The following ADGRG2 variants were observed in gnomAD, a reference collection of about 807,000 sequenced individuals.
ADGRG2 encodes the protein adhesion G protein-coupled receptor G2.
Under a neutral mutation model 74.1 loss-of-function variants are expected in ADGRG2, and 26 were observed. The ratio of observed to expected loss-of-function variants is 0.35; its 90% confidence interval spans 0.26 to 0.49. ADGRG2 has a LOEUF of 0.49. ADGRG2 is among the 20% of genes least tolerant of loss of function. The pLI is 0.99. For missense variants in ADGRG2, 619 were observed against 763.1 expected (o/e 0.81, Z 2.22); for synonymous variants, 296 against 295.2 (o/e 1.00, Z -0.03).
intron 1 of ADGRG2, among the ~76,000 whole-genome samples, chrX:19,112,494 C>T (rs928731636): frequency 2.3e-4 from 25 of 110,455 alleles, no homozygotes; most frequent in Non-Finnish European, 4.5e-4. Context: ...TCAAAATTAA[C>T]ATCACCAATG....
intron 1 of ADGRG2, among the ~76,000 whole-genome samples, chrX:19,115,226 C>T (rs953651135): frequency 9.0e-6 from 1 of 111,167 alleles, no homozygotes; most frequent in African/African-American, 3.3e-5. Context: ...ATATTCTAGG[C>T]TCATTCATTC....
chrX:19,027,287 T>A lies in ADGRG2; in HGVS notation c.415-13A>T. The A allele has an allele frequency of 9.8e-7, 1 of 1,020,967 alleles. No individual in the cohort carries two copies. Among genetic ancestry groups the A allele is most frequent in the Non-Finnish European group, 1.4e-6 (1 of 721,744 alleles). 84.1% of individuals were successfully genotyped at this position (1,020,967 alleles called of 1,213,427 possible). A position where few individuals can be genotyped will look rare whatever the true frequency, so the allele number is the denominator to read the frequency against. On this transcript the variant is annotated splice_polypyrimidine_tract_variant and intron_variant, in intron 10 of 28. Coordinates refer to ENST00000379869, the MANE Select transcript of ADGRG2 (RefSeq NM_001079858.3). ...TTATATGTTGATTCTGTTAGAAGCA[T>A]AAAATCATTAAGAATATAACAAACA...
intron 23 of ADGRG2, among the ~76,000 whole-genome samples, chrX:19,003,747 C>T (rs2060177380): frequency 8.9e-6 from 1 of 111,933 alleles, no homozygotes; most frequent in Non-Finnish European, 1.9e-5. Flanking sequence ...CCCTATTTCT[C>T]CCAGACTACT....
chrX:19,114,472 AGT>A (rs1287837363), intron 1 of ADGRG2, among the ~76,000 whole-genome samples: 1 of 111,538 alleles, frequency 9.0e-6, no homozygotes, highest in African/African-American at 3.3e-5. Flanking sequence ...AAGCTCCCCC[AGT>A]GATTCCAGTG....
chrX:19,037,732 T>A, intron 4 of ADGRG2, 96 bp from the exon 5 acceptor site: 1 of 602,078 alleles, frequency 1.7e-6, no homozygotes, highest in Non-Finnish European at 2.5e-6. Context: ...CGAAAAGAAG[T>A]AGAAAACACA....
intron 1 of ADGRG2, among the ~76,000 whole-genome samples, chrX:19,096,975 A>G (rs139988953): frequency 8.9e-6 from 1 of 112,472 alleles, no homozygotes; most frequent in Non-Finnish European, 1.9e-5. Context: ...AAATTGCTCC[A>G]CATACATCTC....
At chrX:19,101,106 T>TGC (rs1307185093) in intron 1 of ADGRG2, among the ~76,000 whole-genome samples, 34 of 78,812 alleles carry the variant, frequency 4.3e-4, no homozygotes, top group African/African-American at 2.3e-3. Context: ...TGAGATTGTG[T>TGC]GTGTGTGTGT....
rs188813552 is a variant in ADGRG2 at position 19,021,575 on chromosome X, G to A, written c.549-377C>T. Among the ~76,000 whole-genome samples the A allele has an allele frequency of 4.9e-3, 549 of 111,645 alleles. 2 individuals carry two copies. The highest frequency in any genetic ancestry group is 0.017 in the African/African-American group (512 of 30,726). Reference sequence around the variant, plus strand: ...AAAACACTAGCTGGCCACTTGCCTGGTGTCCATAAACATTTGAGTTTCCAT... The same window carrying A: ...AAAACACTAGCTGGCCACTTGCCTGATGTCCATAAACATTTGAGTTTCCAT... On this transcript the variant is annotated intron_variant, in intron 13 of 28. Coordinates refer to ENST00000379869, the MANE Select transcript of ADGRG2 (RefSeq NM_001079858.3).
intron 18 of ADGRG2, among the ~76,000 whole-genome samples, chrX:19,008,837 T>G (rs763034509): frequency 7.2e-5 from 8 of 111,450 alleles, no homozygotes; most frequent in Non-Finnish European, 1.3e-4. Flanking sequence ...CAAGTCCTCA[T>G]AGAACCATGT....
chrX:18,990,799 T>C lies in ADGRG2; in HGVS notation c.*65A>G, dbSNP rs1387073451. 10 of 798,348 alleles carry C rather than the reference T, an allele frequency of 1.3e-5. No individual in the cohort carries two copies. Among genetic ancestry groups the C allele is most frequent in the Non-Finnish European group, 1.8e-5 (10 of 559,905 alleles). The allele number at this position is 798,348 out of a possible 1,213,427, so 65.8% of individuals were successfully genotyped here. On this transcript the variant is annotated 3_prime_UTR_variant, in exon 29 of 29. Transcript: ENST00000379869. ...GTTGATTTTCATACATCTCACATTGTGTAAAAGGTAAAATTGGACATTTCA... is the reference window on the plus strand; with the variant it reads ...GTTGATTTTCATACATCTCACATTGCGTAAAAGGTAAAATTGGACATTTCA...
intron 2 of ADGRG2, among the ~76,000 whole-genome samples, chrX:19,078,339 C>T (rs2061786839): frequency 9.0e-6 from 1 of 111,437 alleles, no homozygotes; most frequent in Non-Finnish European, 1.9e-5. Context: ...TACCTGAGCC[C>T]AGGAGTTCGA....
chrX:19,028,077 C>T (rs988470851), intron 10 of ADGRG2, 106 bp downstream of exon 10: 24 of 511,795 alleles, frequency 4.7e-5, no homozygotes, highest in Non-Finnish European at 8.1e-5. Flanking sequence ...TTGGTCATAA[C>T]AATAAATATA....
At chrX:19,030,833 T>C in intron 9 of ADGRG2, 151 bp downstream of exon 9, 1 of 407,421 alleles carries the variant, frequency 2.5e-6, no homozygotes, top group Non-Finnish European at 4.2e-6. Context: ...AAATTTGCTT[T>C]TGTTTTTATT....
intron 1 of ADGRG2, among the ~76,000 whole-genome samples, chrX:19,114,820 G>A (rs1343466167): frequency 9.0e-6 from 1 of 111,593 alleles, no homozygotes; most frequent in Non-Finnish European, 1.9e-5. Context: ...AGCTTGTGAT[G>A]AAGAACACAG....
At chrX:19,076,872 G>A (rs1456801609) in intron 2 of ADGRG2, among the ~76,000 whole-genome samples, 1 of 111,628 alleles carries the variant, frequency 9.0e-6, no homozygotes, top group Non-Finnish European at 1.9e-5. Flanking sequence ...TATAAACATA[G>A]GAGACAATAT....
chrX:19,083,395 G>A (rs1057271206), intron 1 of ADGRG2, among the ~76,000 whole-genome samples: 2 of 110,405 alleles, frequency 1.8e-5, no homozygotes, highest in African/African-American at 6.6e-5. Context: ...ACTGGACAAC[G>A]AAGTGATTGG....
intron 2 of ADGRG2, among the ~76,000 whole-genome samples, chrX:19,077,507 T>C (rs2061771475): frequency 1.0e-5 from 1 of 96,580 alleles, no homozygotes; most frequent in Admixed American, 1.1e-4. Context: ...AGAGTGAAAC[T>C]CTATTTCAAA....
rs140832379 is a variant in ADGRG2, at chrX:19,013,612, C to T, written c.1099+74G>A. 5.3e-5 allele frequency: 48 copies of T among 906,756 alleles called. No individual in the cohort carries two copies. The African/African-American group carries it at 7.2e-4, about 14-fold the overall frequency. The allele number at this position is 906,756 out of a possible 1,213,427, so 74.7% of individuals were successfully genotyped here. A position where few individuals can be genotyped will look rare whatever the true frequency, so the allele number is the denominator to read the frequency against. ...CTCTAGAAATCAAGCGAACATCATA[C>T]AAAGAAAGGCTCAACATGGTCTTAT... On this transcript the variant is annotated intron_variant, in intron 16 of 28. Coordinates refer to ENST00000379869, the MANE Select transcript of ADGRG2 (RefSeq NM_001079858.3).
rs142003971 is a variant in ADGRG2, at chrX:19,119,324, G to A, written c.-47+3118C>T. On this transcript the variant is annotated intron_variant, in intron 1 of 28. Transcript: ENST00000379869. ...GATAGCTTTCCCCAAATGTTAGCCC[G>A]TTTAAGTTCCATCACCCACCACCTC... 2.5e-3 allele frequency among the ~76,000 whole-genome samples: 275 copies of A among 112,036 alleles called. 3 individuals are homozygous for A. Among genetic ancestry groups the A allele is most frequent in the African/African-American group, 8.3e-3 (255 of 30,860 alleles).
Sources: allele counts gnomAD v4.1 joint callset (sites outside exome capture counted in the v4.1 genomes callset), GRCh38; gene constraint gnomAD v4.1.1; transcripts MANE v1.5; gene names NCBI Gene and HGNC (gene_info 2026-07-23, HGNC 2026-07-21).